MTRF1: variants seen among roughly 807,000 people sequenced by gnomAD.
MTRF1 encodes peptide chain release factor 1, mitochondrial.
MTRF1 carries 51 observed loss-of-function variants against 62.9 expected under a neutral mutation model. That is an observed-to-expected ratio of 0.81 (90% CI 0.65 to 1.02). MTRF1 has a LOEUF of 1.02. MTRF1 is among the 50% of genes least tolerant of loss of function. The pLI is 0.00. For missense variants in MTRF1, 446 were observed against 530.0 expected (o/e 0.84, Z 1.56); for synonymous variants, 158 against 181.9 (o/e 0.87, Z 1.06).
chr13:41,233,412 TA>T (rs1402684079), intron 7 of MTRF1, among the ~76,000 whole-genome samples: 6 of 152,200 alleles, frequency 3.9e-5, no homozygotes, highest in Non-Finnish European at 7.3e-5. Flanking sequence ...ATTAAGGAGT[TA>T]AATAAAATTT....
At chr13:41,310,155 C>G in the MTRF1 span, among the ~76,000 whole-genome samples, 1 of 152,214 alleles carries the variant, frequency 6.6e-6, no homozygotes, top group Non-Finnish European at 1.5e-5. Flanking sequence ...CACCTTACTA[C>G]TAACCCTACA....
At chr13:41,275,349 C>T in the MTRF1 span, among the ~76,000 whole-genome samples, 9 of 152,106 alleles carry the variant, frequency 5.9e-5, no homozygotes, top group South Asian at 4.2e-4. Context: ...TACATGCACC[C>T]GCCACCATGC....
At chr13:41,275,005 A>G in the MTRF1 span, among the ~76,000 whole-genome samples, 786 of 152,270 alleles carry the variant, frequency 5.2e-3, 10 homozygotes, top group African/African-American at 0.017. Flanking sequence ...CGGTACTTCC[A>G]TTTACAAAAC....
chr13:41,288,970 A>G, the MTRF1 span, among the ~76,000 whole-genome samples: 10 of 152,230 alleles, frequency 6.6e-5, no homozygotes. Context: ...GAAGTTGACA[A>G]TGACCAATTG....
the MTRF1 span, among the ~76,000 whole-genome samples, chr13:41,273,135 G>A: frequency 6.6e-6 from 1 of 151,916 alleles, no homozygotes; most frequent in African/African-American, 2.4e-5. Flanking sequence ...GACCATCCTA[G>A]CTAACACAGT....
chr13:41,282,945 C>CT, the MTRF1 span, among the ~76,000 whole-genome samples: 4 of 152,174 alleles, frequency 2.6e-5, no homozygotes, highest in East Asian at 3.8e-4. Flanking sequence ...AACATAAGGA[C>CT]TTTTTTACCA....
chr13:41,311,307 G>T, the MTRF1 span: 2 of 546,074 alleles, frequency 3.7e-6, no homozygotes, highest in Non-Finnish European at 6.4e-6. Flanking sequence ...TGGCCAAAAA[G>T]CGGAGCCCAG....
chr13:41,220,339 A>C (rs893583185), intron 9 of MTRF1, among the ~76,000 whole-genome samples: 8 of 151,732 alleles, frequency 5.3e-5, no homozygotes, highest in Admixed American at 2.0e-4. Context: ...AAAAAAAAAA[A>C]AAAAAAACAG....
At chr13:41,284,870 T>G in the MTRF1 span, among the ~76,000 whole-genome samples, 1 of 152,124 alleles carries the variant, frequency 6.6e-6, no homozygotes. Context: ...GCCCGGCTGG[T>G]CTTGAACTCC....
At chr13:41,248,958 G>A (rs1223972100) in intron 5 of MTRF1, among the ~76,000 whole-genome samples, 2 of 152,008 alleles carry the variant, frequency 1.3e-5, no homozygotes, top group African/African-American at 4.8e-5. Context: ...AACTATTTCT[G>A]AAATGGTTAA....
chr13:41,257,316 A>G (rs1275564176), intron 2 of MTRF1, among the ~76,000 whole-genome samples: 1 of 152,232 alleles, frequency 6.6e-6, no homozygotes, highest in Non-Finnish European at 1.5e-5. Flanking sequence ...TAGAACGCCT[A>G]GAGGTAGGGC....
At chr13:41,264,977 A>G (rs2040793728), upstream of MTRF1, among the ~76,000 whole-genome samples, 1 of 152,238 alleles carries the variant, frequency 6.6e-6, no homozygotes, top group Non-Finnish European at 1.5e-5. Context: ...CTTTGCCCAC[A>G]TGGAGCTTAT....
intron 2 of MTRF1, among the ~76,000 whole-genome samples, chr13:41,255,022 C>T (rs1381098545): frequency 6.6e-6 from 1 of 152,084 alleles, no homozygotes; most frequent in African/African-American, 2.4e-5. Context: ...AAGCTACTAG[C>T]TAATTAAATA....
chr13:41,248,686 T>C (rs140397053), intron 5 of MTRF1, among the ~76,000 whole-genome samples: 57 of 152,296 alleles, frequency 3.7e-4, no homozygotes, highest in African/African-American at 1.3e-3. Flanking sequence ...TGTGGACACA[T>C]AAAATTCACA....
the MTRF1 span, among the ~76,000 whole-genome samples, chr13:41,281,999 G>C: frequency 1.3e-5 from 2 of 152,006 alleles, no homozygotes; most frequent in East Asian, 1.9e-4. Flanking sequence ...TTAGCCAGGC[G>C]TGGTGGCGGG....
At chr13:41,302,541 T>A in the MTRF1 span, among the ~76,000 whole-genome samples, 1 of 151,960 alleles carries the variant, frequency 6.6e-6, no homozygotes, top group Non-Finnish European at 1.5e-5. Flanking sequence ...TTTAAATTTT[T>A]TTTTTTGAGA....
chr13:41,222,517 G>C (rs2033604378), intron 9 of MTRF1, among the ~76,000 whole-genome samples: 1 of 152,192 alleles, frequency 6.6e-6, no homozygotes, highest in Non-Finnish European at 1.5e-5. Flanking sequence ...TGACTAAGCA[G>C]CTGACTTTGA....
chr13:41,269,199 G>GTTTTTTTTTT, the MTRF1 span, among the ~76,000 whole-genome samples: 1 of 68,720 alleles, frequency 1.5e-5, no homozygotes, highest in Admixed American at 1.8e-4. Flanking sequence ...TTTTTTTTTG[G>GTTTTTTTTTT]TTTTTTTTTT....
intron 9 of MTRF1, chr13:41,220,471 T>C (rs2033095001): frequency 1.1e-5 from 8 of 735,054 alleles, no homozygotes; most frequent in Non-Finnish European, 1.6e-5. Context: ...ACAATAAAAA[T>C]GTGAAACAAT....
Sources: allele counts gnomAD v4.1 joint callset (sites outside exome capture counted in the v4.1 genomes callset), GRCh38; gene constraint gnomAD v4.1.1; transcripts MANE v1.5; gene names NCBI Gene and HGNC (gene_info 2026-07-23, HGNC 2026-07-21).